KCNH5: variants seen among roughly 807,000 people sequenced by gnomAD.
KCNH5 encodes the protein voltage-gated delayed rectifier potassium channel KCNH5.
KCNH5 carries 46 observed loss-of-function variants against 96.1 expected under a neutral mutation model. The observed-to-expected ratio is 0.48, with a 90% CI of 0.38 to 0.61. The LOEUF (loss-of-function observed/expected upper bound fraction) is 0.61, where lower values mean the gene tolerates loss of function less well. Among genes scored for constraint, KCNH5 ranks in the 20% least tolerant of loss-of-function variants. KCNH5 has a pLI of 0.00. For missense variants in KCNH5, 907 were observed against 1,225.8 expected, an observed-to-expected ratio of 0.74 and a Z score of 3.88; for synonymous variants, 439 against 449.8, an observed-to-expected ratio of 0.98 and a Z score of 0.30.
At chr14:62,797,746 C>T (rs1335008255) in intron 9 of KCNH5, among the ~76,000 whole-genome samples, 2 of 149,486 alleles carry the variant, frequency 1.3e-5, no homozygotes, top group Non-Finnish European at 3.0e-5. Context: ...GACAAAGTCT[C>T]ACTCTGTCGC....
Position 62,971,297 on chromosome 14 carries a change from T to G in KCNH5, c.942+9575A>C, listed in dbSNP as rs553481714. ...CCTCCCCAAAATACTTAAATATAAATCTAATAAAATGTGCACATGATCTAT... is the reference window on the plus strand; with the variant it reads ...CCTCCCCAAAATACTTAAATATAAAGCTAATAAAATGTGCACATGATCTAT... On this transcript the variant is annotated intron_variant, in intron 6 of 10. Coordinates refer to ENST00000322893, the MANE Select transcript of KCNH5 (RefSeq NM_139318.5). Among the ~76,000 whole-genome samples, 3 of 152,060 alleles carry G rather than the reference T, an allele frequency of 2.0e-5. No individual in the cohort carries two copies. The East Asian group carries it at 5.8e-4, about 29-fold the overall frequency.
chr14:62,908,782 A>ACTTTTTTTT (rs71451284), intron 7 of KCNH5, among the ~76,000 whole-genome samples: 6 of 23,712 alleles, frequency 2.5e-4, no homozygotes, highest in African/African-American at 1.1e-3. Flanking sequence ...TTTGCTTTGT[A>ACTTTTTTTT]TTTTTTTTTT....
At chr14:62,769,245 A>T (rs1885934138) in intron 10 of KCNH5, among the ~76,000 whole-genome samples, 1 of 152,228 alleles carries the variant, frequency 6.6e-6, no homozygotes, top group Admixed American at 6.5e-5. Context: ...GATGAGTAGC[A>T]TCACTTTGGA....
At chr14:62,866,731 C>T (rs977069983) in intron 7 of KCNH5, among the ~76,000 whole-genome samples, 10 of 152,144 alleles carry the variant, frequency 6.6e-5, no homozygotes, top group African/African-American at 2.4e-4. Context: ...CAGGTGCTTT[C>T]AAGTTCCCAT....
chr14:63,041,683 G>T (rs180917513), intron 1 of KCNH5, among the ~76,000 whole-genome samples: 1 of 152,092 alleles, frequency 6.6e-6, no homozygotes, highest in African/African-American at 2.4e-5. Flanking sequence ...CTTCTTTTGA[G>T]ATTTGGCTAT....
Position 62,730,027 on chromosome 14 carries a change from A to C in KCNH5, c.2020-21572T>G, listed in dbSNP as rs369713735. ...GGATAGGTTGATTTTAGTAGTGGTC[A>C]TTTCTTTTTAAAAACAAACCTGATG... On this transcript the variant is annotated intron_variant, in intron 10 of 10. Coordinates refer to ENST00000322893, the MANE Select transcript of KCNH5 (RefSeq NM_139318.5). Among the ~76,000 whole-genome samples the C allele has an allele frequency of 3.3e-5, 5 of 152,316 alleles. No homozygotes were observed. The South Asian group carries it at 6.2e-4, about 19-fold the overall frequency.
Position 62,708,074 on chromosome 14 carries a change from T to C in KCNH5, c.2401A>G (p.Ile801Val), listed in dbSNP as rs1234895847. 3.1e-6 allele frequency: 5 copies of C among 1,614,242 alleles called. No individual in the cohort carries two copies. The highest frequency in any genetic ancestry group is 1.6e-4 in the Middle Eastern group (1 of 6,062). ...TTTCCATTTCCATTCTTCATTCTTATTGGGCTGTTGACTTTGAGACATTTT... is the reference window on the plus strand; with the variant it reads ...TTTCCATTTCCATTCTTCATTCTTACTGGGCTGTTGACTTTGAGACATTTT... The part of the protein sequence containing the change: ...DQKCLKVNSP[I>V]RMKNGNGKGW... Residue 801 changes from isoleucine (I) to valine (V), a missense_variant, in exon 11 of 11, where the codon ATA (isoleucine) becomes GTA (valine). Transcript: ENST00000322893.
At chr14:62,874,074 G>A (rs2140069203) in intron 7 of KCNH5, among the ~76,000 whole-genome samples, 1 of 152,238 alleles carries the variant, frequency 6.6e-6, no homozygotes, top group East Asian at 1.9e-4. Context: ...AGAAAGAACT[G>A]AACGTGGACT....
intron 7 of KCNH5, among the ~76,000 whole-genome samples, chr14:62,919,449 A>T (rs1226432573): frequency 6.6e-6 from 1 of 152,174 alleles, no homozygotes; most frequent in Non-Finnish European, 1.5e-5. Context: ...AAATTGGAAC[A>T]TTGCAGAGAT....
intron 7 of KCNH5, among the ~76,000 whole-genome samples, chr14:62,899,553 C>T (rs559429859): frequency 3.3e-5 from 5 of 152,046 alleles, no homozygotes; most frequent in East Asian, 1.9e-4. Context: ...AAATTGAGGC[C>T]GGGCGCGGTG....
At chr14:63,013,812 CAT>C (rs1204335040) in intron 2 of KCNH5, among the ~76,000 whole-genome samples, 7 of 152,030 alleles carry the variant, frequency 4.6e-5, no homozygotes, top group Admixed American at 1.3e-4. Flanking sequence ...GTATATACAA[CAT>C]ATGATGTAGC....
At chr14:62,716,432 A>T (rs549672505) in intron 10 of KCNH5, among the ~76,000 whole-genome samples, 7 of 152,320 alleles carry the variant, frequency 4.6e-5, no homozygotes, top group African/African-American at 1.7e-4. Flanking sequence ...GCAGTGGTCC[A>T]GCCCTACCTA....
intron 8 of KCNH5, among the ~76,000 whole-genome samples, chr14:62,812,942 CA>C (rs1886902010): frequency 6.6e-6 from 1 of 152,098 alleles, no homozygotes; most frequent in Non-Finnish European, 1.5e-5. Context: ...AATATCCCAT[CA>C]AATATTTATG....
chr14:62,822,409 G>A (rs753775954), intron 8 of KCNH5, among the ~76,000 whole-genome samples: 36 of 152,214 alleles, frequency 2.4e-4, no homozygotes, highest in Non-Finnish European at 4.4e-4. Flanking sequence ...GATGTTGGCA[G>A]AGGGACAGAC....
At chr14:62,845,251 G>A (rs1013240905) in intron 8 of KCNH5, among the ~76,000 whole-genome samples, 2 of 152,104 alleles carry the variant, frequency 1.3e-5, no homozygotes, top group Admixed American at 6.6e-5. Flanking sequence ...TTCAGATACC[G>A]TTTATTAAAG....
chr14:62,869,677 C>T (rs1471729513), intron 7 of KCNH5, among the ~76,000 whole-genome samples: 1 of 152,116 alleles, frequency 6.6e-6, no homozygotes. Context: ...GGAGGCATCA[C>T]ACTACCTGAC....
rs375794711 is a variant in KCNH5 at position 63,031,972 on chromosome 14, C to T, written c.73+13142G>A. Among the ~76,000 whole-genome samples, 39 of 151,764 alleles carry T rather than the reference C, an allele frequency of 2.6e-4. 1 individual carries two copies. The South Asian group carries it at 6.5e-3, about 25-fold the overall frequency. On this transcript the variant is annotated intron_variant, in intron 1 of 10. Transcript: ENST00000322893. ...TTTTTACCTTTTTTATGCAAATTAC[C>T]CCCAGAGAGAAATATTTCAGAGGAC...
rs1884379785 is a variant in KCNH5 at position 62,703,558 on chromosome 14, T to C, written c.*3950A>G. ...ACACTAGGAAAGGTTAACTTGCCCA[T>C]AATTACACTTCTAGTTTGTGGTAAA... On this transcript the variant is annotated 3_prime_UTR_variant, in exon 11 of 11. Coordinates refer to ENST00000322893, the MANE Select transcript of KCNH5 (RefSeq NM_139318.5). 6.6e-6 allele frequency: 1 copy of C among 151,882 alleles called. No homozygotes were observed. Among genetic ancestry groups the C allele is most frequent in the South Asian group, 2.1e-4 (1 of 4,834 alleles). The allele number at this position is 151,882 out of a possible 1,614,324, so 9.4% of individuals were successfully genotyped here.
chr14:62,836,980 A>G (rs953530375), intron 8 of KCNH5, among the ~76,000 whole-genome samples: 2 of 152,096 alleles, frequency 1.3e-5, no homozygotes, highest in African/African-American at 4.8e-5. Flanking sequence ...TAATTTATTT[A>G]TTTTTCAGAA....
Sources: gnomAD v4.1 joint callset for allele counts (sites outside exome capture counted in the v4.1 genomes callset) on GRCh38, gnomAD v4.1.1 for gene constraint, MANE v1.5 for transcripts, NCBI Gene and HGNC (gene_info 2026-07-23, HGNC 2026-07-21) for gene names.